The following SH3RF1 variants were observed in gnomAD, a reference collection of about 807,000 sequenced individuals.
The protein encoded by SH3RF1 is SH3 domain containing ring finger 1.
Under a neutral mutation model 74.0 loss-of-function variants are expected in SH3RF1, and 32 were observed. That is an observed-to-expected ratio of 0.43 (90% CI 0.33 to 0.58). The LOEUF is 0.58. Ranked by LOEUF, SH3RF1 falls within the 20% of genes least tolerant of loss-of-function variation. The pLI, the probability that SH3RF1 is intolerant of heterozygous loss-of-function variation, is 0.05. For missense variants in SH3RF1, 954 were observed against 1,130.9 expected, an observed-to-expected ratio of 0.84 and a Z score of 2.24; for synonymous variants, 396 against 439.6, an observed-to-expected ratio of 0.90 and a Z score of 1.24.
At chr4:169,144,255 C>T (rs925155404) in intron 4 of SH3RF1, among the ~76,000 whole-genome samples, 2 of 152,160 alleles carry the variant, frequency 1.3e-5, no homozygotes, top group African/African-American at 4.8e-5. Context: ...AGTCATTTGA[C>T]CTTGGGTATG....
chr4:169,158,205 G>A (rs1324024227), intron 2 of SH3RF1, among the ~76,000 whole-genome samples: 1 of 152,226 alleles, frequency 6.6e-6, no homozygotes, highest in African/African-American at 2.4e-5. Context: ...GGTCTCTCGT[G>A]TTTGGTGAGT....
intron 2 of SH3RF1, among the ~76,000 whole-genome samples, chr4:169,216,046 T>C (rs1005953872): frequency 2.0e-5 from 3 of 152,114 alleles, no homozygotes; most frequent in Admixed American, 2.0e-4. Flanking sequence ...TCAAGAGATC[T>C]GCCCACCTTG....
chr4:169,270,931 C>A lies in SH3RF1; in HGVS notation c.-168G>T, dbSNP rs895151620. 1 of 152,180 alleles carries A rather than the reference C, an allele frequency of 6.6e-6. No individual in the cohort carries two copies. Among genetic ancestry groups the A allele is most frequent in the Non-Finnish European group, 1.5e-5 (1 of 68,110 alleles). The allele number at this position is 152,180 out of a possible 1,614,324, so 9.4% of individuals were successfully genotyped here. On this transcript the variant is annotated 5_prime_UTR_variant, in exon 1 of 12. Coordinates refer to ENST00000284637, the MANE Select transcript of SH3RF1 (RefSeq NM_020870.4). ...GGCGGCTGATGCAGATGCGGCCCCA[C>A]CGCGCTCGCCGCTCGCAGTGTCTCT...
chr4:169,098,580 C>G (rs932393319), intron 11 of SH3RF1, among the ~76,000 whole-genome samples: 6 of 152,206 alleles, frequency 3.9e-5, no homozygotes, highest in Non-Finnish European at 5.9e-5. Flanking sequence ...AAATTACTAC[C>G]CAAGATCTGA....
chr4:169,196,361 T>A (rs186058861), intron 2 of SH3RF1, among the ~76,000 whole-genome samples: 1 of 152,318 alleles, frequency 6.6e-6, no homozygotes. Context: ...AACAAAACAA[T>A]GTTATTCAAG....
intron 5 of SH3RF1, among the ~76,000 whole-genome samples, chr4:169,135,462 G>C (rs186965451): frequency 6.9e-4 from 105 of 152,204 alleles, no homozygotes; most frequent in Non-Finnish European, 1.0e-3. Context: ...GCTTGTGACA[G>C]GCAGCTTTGA....
intron 2 of SH3RF1, among the ~76,000 whole-genome samples, chr4:169,264,395 T>TC (rs1197084775): frequency 6.6e-6 from 1 of 152,096 alleles, no homozygotes; most frequent in African/African-American, 2.4e-5. Flanking sequence ...AAAGGTCCTA[T>TC]CCCCAAATAT....
chr4:169,224,758 C>T (rs954833977), intron 2 of SH3RF1, among the ~76,000 whole-genome samples: 2 of 152,164 alleles, frequency 1.3e-5, no homozygotes, highest in African/African-American at 4.8e-5. Flanking sequence ...TGGGTAGGTG[C>T]TCAGATGTAA....
At chr4:169,222,796 T>G (rs1445833571) in intron 2 of SH3RF1, among the ~76,000 whole-genome samples, 1 of 152,178 alleles carries the variant, frequency 6.6e-6, no homozygotes. Context: ...CACTTTAACT[T>G]TAATGGAACA....
intron 2 of SH3RF1, among the ~76,000 whole-genome samples, chr4:169,251,282 T>C (rs1313064078): frequency 6.6e-6 from 1 of 152,172 alleles, no homozygotes; most frequent in Non-Finnish European, 1.5e-5. Context: ...CTTTTTAAAT[T>C]TCATTATATC....
intron 10 of SH3RF1, among the ~76,000 whole-genome samples, chr4:169,112,102 A>G (rs1475606366): frequency 6.6e-6 from 1 of 152,234 alleles, no homozygotes; most frequent in African/African-American, 2.4e-5. Flanking sequence ...TAGACACGCT[A>G]TCATGTGGGA....
chr4:169,236,385 G>A (rs1401648722), intron 2 of SH3RF1, among the ~76,000 whole-genome samples: 1 of 152,158 alleles, frequency 6.6e-6, no homozygotes, highest in Admixed American at 6.5e-5. Flanking sequence ...ATAATGAGCG[G>A]TGTCCCTCTG....
At chr4:169,131,761 C>A (rs1242049037) in intron 5 of SH3RF1, among the ~76,000 whole-genome samples, 1 of 151,652 alleles carries the variant, frequency 6.6e-6, no homozygotes, top group Admixed American at 6.6e-5. Flanking sequence ...ACCAATCAGC[C>A]ATTTGCATAG....
intron 10 of SH3RF1, among the ~76,000 whole-genome samples, chr4:169,115,888 AG>A (rs1412266255): frequency 6.6e-6 from 1 of 152,236 alleles, no homozygotes; most frequent in East Asian, 1.9e-4. Context: ...CTCACTGAGC[AG>A]GAAGACTTGA....
chr4:169,127,798 T>C lies in SH3RF1; in HGVS notation c.1179+2248A>G, dbSNP rs554007841. ...GAGTAACTGGCCATTTACTACATTG[T>C]ATAATTTTCAGCCCACAAGAGCTAA... On this transcript the variant is annotated intron_variant, in intron 6 of 11. Coordinates refer to ENST00000284637, the MANE Select transcript of SH3RF1 (RefSeq NM_020870.4). 3.1e-4 allele frequency among the ~76,000 whole-genome samples: 47 copies of C among 152,350 alleles called. 1 individual carries two copies. The South Asian group carries it at 9.5e-3, about 31-fold the overall frequency.
Position 169,095,605 on chromosome 4 carries a change from A to C in SH3RF1, c.*914T>G, listed in dbSNP as rs766113353. ...TGTTTTACTTGTGTCCTGGGCATGCAGGTCAGTTGGGGTAAAATGTGAAAT... is the reference window on the plus strand; with the variant it reads ...TGTTTTACTTGTGTCCTGGGCATGCCGGTCAGTTGGGGTAAAATGTGAAAT... On this transcript the variant is annotated 3_prime_UTR_variant, in exon 12 of 12. Transcript: ENST00000284637. 1.3e-5 allele frequency: 2 copies of C among 152,646 alleles called. No individual in the cohort carries two copies. Among genetic ancestry groups the C allele is most frequent in the Non-Finnish European group, 2.9e-5 (2 of 68,044 alleles). 9.5% of individuals were successfully genotyped at this position (152,646 alleles called of 1,614,324 possible). A position where few individuals can be genotyped will look rare whatever the true frequency, so the allele number is the denominator to read the frequency against.
intron 2 of SH3RF1, among the ~76,000 whole-genome samples, chr4:169,245,700 T>C (rs1252474100): frequency 6.6e-6 from 1 of 152,210 alleles, no homozygotes; most frequent in Non-Finnish European, 1.5e-5. Flanking sequence ...CAAGTTCAGC[T>C]GATAGAAAAA....
At chr4:169,213,987 CTATTA>C (rs1401601786) in intron 2 of SH3RF1, among the ~76,000 whole-genome samples, 2 of 152,148 alleles carry the variant, frequency 1.3e-5, no homozygotes, top group African/African-American at 2.4e-5. Flanking sequence ...ATTGTGTAGG[CTATTA>C]TGGGGCTTTT....
intron 5 of SH3RF1, among the ~76,000 whole-genome samples, chr4:169,133,380 CAGG>C (rs1235256693): frequency 6.6e-6 from 1 of 151,756 alleles, no homozygotes; most frequent in Non-Finnish European, 1.5e-5. Flanking sequence ...GAGGCTGAGG[CAGG>C]AGAATTGCTT....
Sources: allele counts gnomAD v4.1 joint callset (sites outside exome capture counted in the v4.1 genomes callset), GRCh38; gene constraint gnomAD v4.1.1; transcripts MANE v1.5; gene names NCBI Gene and HGNC (gene_info 2026-07-23, HGNC 2026-07-21).